The following MPHOSPH6 variants were observed in gnomAD, a reference collection of about 807,000 sequenced individuals.
MPHOSPH6 encodes M-phase phosphoprotein 6.
In MPHOSPH6, 25 loss-of-function variants were observed where a neutral mutation model predicts 21.8. The ratio of observed to expected loss-of-function variants is 1.15; its 90% CI spans 0.83 to 1.60. The LOEUF (loss-of-function observed/expected upper bound fraction) is 1.60, where lower values mean the gene tolerates loss of function less well. MPHOSPH6 is among the 40% of genes most tolerant of loss of function. MPHOSPH6 has a pLI of 0.00. For synonymous variants in MPHOSPH6, 84 were observed against 56.5 expected (o/e 1.49, Z -2.18); for missense variants, 269 against 181.8 (o/e 1.48, Z -2.76).
intron 2 of MPHOSPH6, among the ~76,000 whole-genome samples, chr16:82,158,114 C>G (rs1426312296): frequency 6.6e-6 from 1 of 152,068 alleles, no homozygotes; most frequent in Non-Finnish European, 1.5e-5. Flanking sequence ...CTTGATGACA[C>G]AGCACAAATT....
In MPHOSPH6 at chr16:82,163,510, T is replaced by A. The variant is rs187908715; in HGVS notation, c.164+572A>T. On this transcript the variant is annotated intron_variant, in intron 2 of 4. Transcript: ENST00000258169. ...GTTACCCTCCCTTAAGCTCAGTTCCTCAACTACAAAGTGACAGAATCATAG... is the reference window on the plus strand; with the variant it reads ...GTTACCCTCCCTTAAGCTCAGTTCCACAACTACAAAGTGACAGAATCATAG... 5.6e-4 allele frequency among the ~76,000 whole-genome samples: 86 copies of A among 152,300 alleles called. 1 individual carries two copies. In the East Asian group the frequency reaches 0.016, roughly 28 times the overall value.
intron 2 of MPHOSPH6, among the ~76,000 whole-genome samples, chr16:82,157,488 A>C (rs1399325173): frequency 6.6e-6 from 1 of 152,226 alleles, no homozygotes; most frequent in Non-Finnish European, 1.5e-5. Flanking sequence ...CAGGAGTGAG[A>C]CTGACTAGAA....
intron 2 of MPHOSPH6, among the ~76,000 whole-genome samples, chr16:82,152,602 C>T (rs977214712): frequency 6.6e-6 from 1 of 152,146 alleles, no homozygotes; most frequent in Admixed American, 6.5e-5. Context: ...ATAACGGTCG[C>T]TAGGTGGTTG....
chr16:82,170,075 A>G (rs1411496540), intron 1 of MPHOSPH6, 50 bp downstream of exon 1: 1 of 1,555,864 alleles, frequency 6.4e-7, no homozygotes. Flanking sequence ...CCAGGTTGGA[A>G]GGACCGGGTG....
At chr16:82,151,344 G>C in intron 3 of MPHOSPH6, 80 bp downstream of exon 3, 1 of 1,566,058 alleles carries the variant, frequency 6.4e-7, no homozygotes, top group Non-Finnish European at 8.7e-7. Flanking sequence ...GTACCTGGTG[G>C]AGAAACACCT....
At chr16:82,170,007 C>T in intron 1 of MPHOSPH6, 118 bp downstream of exon 1, 1 of 1,144,912 alleles carries the variant, frequency 8.7e-7, no homozygotes, top group Non-Finnish European at 1.2e-6. Flanking sequence ...AGCACGAGAG[C>T]TGGAAGCCCT....
chr16:82,166,428 G>A (rs887657182), intron 1 of MPHOSPH6, among the ~76,000 whole-genome samples: 1 of 152,154 alleles, frequency 6.6e-6, no homozygotes, highest in East Asian at 1.9e-4. Context: ...TACAGTGTGT[G>A]TCCTTTGGTA....
intron 1 of MPHOSPH6, chr16:82,164,965 T>G (rs1270721125): frequency 6.6e-6 from 1 of 152,018 alleles, no homozygotes; most frequent in African/African-American, 2.4e-5. Flanking sequence ...TGAACAAACT[T>G]AAGAGGCTAA....
intron 2 of MPHOSPH6, among the ~76,000 whole-genome samples, chr16:82,161,865 T>C (rs1379262178): frequency 3.9e-5 from 6 of 152,202 alleles, no homozygotes; most frequent in Non-Finnish European, 1.5e-5. Context: ...TAACACTGAA[T>C]AGCCCTAATT....
At chr16:82,155,612 C>T (rs1906403114) in intron 2 of MPHOSPH6, among the ~76,000 whole-genome samples, 2 of 152,060 alleles carry the variant, frequency 1.3e-5, no homozygotes, top group South Asian at 4.1e-4. Flanking sequence ...AAAATTTTTT[C>T]AATAAATGTT....
intron 1 of MPHOSPH6, among the ~76,000 whole-genome samples, chr16:82,166,856 T>C (rs376934347): frequency 6.6e-6 from 1 of 152,218 alleles, no homozygotes; most frequent in East Asian, 1.9e-4. Flanking sequence ...CATATACATA[T>C]GTTCTGTACA....
chr16:82,152,870 C>T (rs899434649), intron 2 of MPHOSPH6, among the ~76,000 whole-genome samples: 2 of 152,158 alleles, frequency 1.3e-5, no homozygotes, highest in Admixed American at 6.5e-5. Context: ...GCTTGTTTGC[C>T]GGAGTAGGCT....
chr16:82,162,094 C>A (rs181835097), intron 2 of MPHOSPH6: 1 of 152,296 alleles, frequency 6.6e-6, no homozygotes, highest in Non-Finnish European at 1.5e-5. Flanking sequence ...GTGCTTTATG[C>A]CTGGTGTTAT....
At chr16:82,151,275 T>C in intron 3 of MPHOSPH6, 149 bp downstream of exon 3, 1 of 1,177,732 alleles carries the variant, frequency 8.5e-7, no homozygotes, top group Non-Finnish European at 1.2e-6. Context: ...CTCCAATTTC[T>C]TTAAATAGCT....
intron 1 of MPHOSPH6, 33 bp from the exon 2 acceptor site, chr16:82,164,227 T>C (rs760281040): frequency 4.1e-6 from 6 of 1,451,258 alleles, no homozygotes; most frequent in Non-Finnish European, 5.7e-6. Context: ...TGTCAGAAAC[T>C]TTTCCCATTT....
chr16:82,150,202 C>T (rs1010780154), intron 3 of MPHOSPH6, among the ~76,000 whole-genome samples: 10 of 152,104 alleles, frequency 6.6e-5, no homozygotes, highest in Non-Finnish European at 1.2e-4. Flanking sequence ...CCCGTCCCTG[C>T]CCCCCATCAA....
chr16:82,156,212 G>A (rs1336038653), intron 2 of MPHOSPH6, among the ~76,000 whole-genome samples: 1 of 152,066 alleles, frequency 6.6e-6, no homozygotes, highest in Non-Finnish European at 1.5e-5. Context: ...CAAAGAACTT[G>A]TATTCAGAAC....
intron 1 of MPHOSPH6, chr16:82,164,538 C>G (rs1398912785): frequency 3.0e-5 from 6 of 201,890 alleles, no homozygotes; most frequent in Non-Finnish European, 2.0e-5. Context: ...TCCTCTTCCA[C>G]CTGGCCAACT....
At chr16:82,160,125 G>GT (rs146693640) in intron 2 of MPHOSPH6, among the ~76,000 whole-genome samples, 18,342 of 152,096 alleles carry the variant, frequency 0.12, 1,329 homozygotes, top group East Asian at 0.29. Context: ...CATTGACACC[G>GT]TATCTTTAAT....
Sources: allele counts gnomAD v4.1 joint callset (sites outside exome capture counted in the v4.1 genomes callset), GRCh38; gene constraint gnomAD v4.1.1; transcripts MANE v1.5; gene names NCBI Gene and HGNC (gene_info 2026-07-23, HGNC 2026-07-21).